Variants in ARB2A observed in about 807,000 individuals in gnomAD.
ARB2A encodes cotranscriptional regulator ARB2A.
chr5:94,042,543 G>A, the ARB2A span, among the ~76,000 whole-genome samples: 5 of 152,026 alleles, frequency 3.3e-5, no homozygotes, highest in Admixed American at 3.3e-4. Flanking sequence ...CTGACCTCAT[G>A]ATCCACCCAC....
the ARB2A span, among the ~76,000 whole-genome samples, chr5:93,814,341 T>A: frequency 6.6e-6 from 1 of 152,106 alleles, no homozygotes; most frequent in Non-Finnish European, 1.5e-5. Context: ...AAAAAAAGAA[T>A]TCTAAGGTTG....
At chr5:93,770,595 C>T in the ARB2A span, among the ~76,000 whole-genome samples, 1 of 152,124 alleles carries the variant, frequency 6.6e-6, no homozygotes, top group African/African-American at 2.4e-5. Context: ...AGCTGATAAG[C>T]AACTTCAGCA....
At chr5:93,696,747 T>C in the ARB2A span, among the ~76,000 whole-genome samples, 1 of 152,116 alleles carries the variant, frequency 6.6e-6, no homozygotes, top group Non-Finnish European at 1.5e-5. Context: ...CTCTCCTCTC[T>C]TCACATTACT....
At chr5:94,057,661 G>A in the ARB2A span, among the ~76,000 whole-genome samples, 4 of 152,144 alleles carry the variant, frequency 2.6e-5, no homozygotes, top group Non-Finnish European at 2.9e-5. Context: ...GGCCAAAACA[G>A]AATAACAGGA....
the ARB2A span, among the ~76,000 whole-genome samples, chr5:93,668,988 T>C: frequency 5.3e-5 from 8 of 152,240 alleles, no homozygotes; most frequent in Non-Finnish European, 1.2e-4. Context: ...ACAAAACCTG[T>C]GATCCCCAAA....
At chr5:94,065,213 G>A in the ARB2A span, among the ~76,000 whole-genome samples, 1 of 152,158 alleles carries the variant, frequency 6.6e-6, no homozygotes, top group Non-Finnish European at 1.5e-5. Context: ...GAAAGAACAG[G>A]GATGGAGAAA....
chr5:93,770,792 T>C, the ARB2A span, among the ~76,000 whole-genome samples: 2 of 151,938 alleles, frequency 1.3e-5, no homozygotes, highest in South Asian at 2.1e-4. Flanking sequence ...CACTGCTCAA[T>C]GAAATAAAAG....
chr5:93,720,979 T>C, the ARB2A span, among the ~76,000 whole-genome samples: 1 of 152,202 alleles, frequency 6.6e-6, no homozygotes, highest in Non-Finnish European at 1.5e-5. Context: ...AAACATTATA[T>C]TTAATGTCAA....
chr5:93,891,288 G>A, the ARB2A span, among the ~76,000 whole-genome samples: 2 of 151,916 alleles, frequency 1.3e-5, no homozygotes, highest in African/African-American at 4.8e-5. Flanking sequence ...CTTACCTGGG[G>A]AACTTCAAAA....
At chr5:93,873,492 G>GGAAATATAAAACA in the ARB2A span, among the ~76,000 whole-genome samples, 1 of 152,064 alleles carries the variant, frequency 6.6e-6, no homozygotes, top group Non-Finnish European at 1.5e-5. Context: ...AAAATCTACT[G>GGAAATATAAAACA]TGTTTACTAG....
At chr5:94,069,760 T>C in the ARB2A span, among the ~76,000 whole-genome samples, 2 of 152,208 alleles carry the variant, frequency 1.3e-5, 1 homozygote. Flanking sequence ...CCAGTTAGAA[T>C]GGCTATTATT....
chr5:93,985,796 G>A, the ARB2A span, among the ~76,000 whole-genome samples: 1 of 152,200 alleles, frequency 6.6e-6, no homozygotes, highest in African/African-American at 2.4e-5. Flanking sequence ...CCAGCCGCCT[G>A]CCTTGGCCTC....
At chr5:94,042,180 A>G in the ARB2A span, among the ~76,000 whole-genome samples, 1 of 152,122 alleles carries the variant, frequency 6.6e-6, no homozygotes, top group Admixed American at 6.6e-5. Context: ...TAATCTCGTA[A>G]AAAAAATTCT....
the ARB2A span, among the ~76,000 whole-genome samples, chr5:93,916,081 G>A: frequency 3.3e-5 from 5 of 152,122 alleles, no homozygotes; most frequent in East Asian, 3.9e-4. Context: ...GAAAAGAAAC[G>A]TTTCATCAGT....
chr5:94,029,568 C>T, the ARB2A span, among the ~76,000 whole-genome samples: 1 of 151,232 alleles, frequency 6.6e-6, no homozygotes, highest in South Asian at 2.1e-4. Context: ...ACAGTTAATG[C>T]TATGTGCTTC....
the ARB2A span, among the ~76,000 whole-genome samples, chr5:93,812,055 A>G: frequency 2.0e-5 from 3 of 152,196 alleles, no homozygotes; most frequent in African/African-American, 7.2e-5. Flanking sequence ...ATCTGTTCTG[A>G]GAATCTACTG....
At chr5:93,707,439 A>G in the ARB2A span, among the ~76,000 whole-genome samples, 19 of 152,124 alleles carry the variant, frequency 1.2e-4, no homozygotes, top group African/African-American at 4.3e-4. Flanking sequence ...TTTTAATATT[A>G]TACTCAATTT....
the ARB2A span, among the ~76,000 whole-genome samples, chr5:93,972,433 C>A: frequency 6.6e-6 from 1 of 150,744 alleles, no homozygotes; most frequent in Non-Finnish European, 1.5e-5. Context: ...AAAAGAATAA[C>A]AAATCAAGAC....
the ARB2A span, among the ~76,000 whole-genome samples, chr5:93,709,404 G>A: frequency 2.6e-5 from 4 of 151,456 alleles, no homozygotes; most frequent in African/African-American, 9.8e-5. Context: ...GGAGGCTGAG[G>A]AGGGTGGATC....
Sources: allele counts gnomAD v4.1 joint callset (sites outside exome capture counted in the v4.1 genomes callset), GRCh38; gene constraint gnomAD v4.1.1; transcripts MANE v1.5; gene names NCBI Gene and HGNC (gene_info 2026-07-23, HGNC 2026-07-21).